The following UQCC1 variants were observed in gnomAD, a reference collection of about 807,000 sequenced individuals.
The protein encoded by UQCC1 is bFGF-repressed Zic-binding protein.
In UQCC1, 38 loss-of-function variants were observed where a neutral mutation model predicts 48.0. That is an observed-to-expected ratio of 0.79 (90% CI 0.61 to 1.04). The LOEUF is 1.04. UQCC1 is among the 50% of genes least tolerant of loss of function. UQCC1 has a pLI of 0.00. For synonymous variants in UQCC1, 111 were observed against 129.2 expected, an observed-to-expected ratio of 0.86 and a Z score of 0.95; for missense variants, 368 against 381.8, an observed-to-expected ratio of 0.96 and a Z score of 0.30.
chr20:35,404,035 A>C (rs935772292), intron 1 of UQCC1, among the ~76,000 whole-genome samples: 1 of 152,002 alleles, frequency 6.6e-6, no homozygotes, highest in African/African-American at 2.4e-5. Flanking sequence ...CAGGAGATCG[A>C]GACCATCCTG....
chr20:35,374,704 TA>T (rs897887730), intron 4 of UQCC1, among the ~76,000 whole-genome samples: 14 of 152,328 alleles, frequency 9.2e-5, no homozygotes, highest in African/African-American at 3.4e-4. Flanking sequence ...ATCTATTCTA[TA>T]AATCTCGGGG....
chr20:35,374,338 A>T (rs1465381804), intron 4 of UQCC1, 82 bp from the exon 5 acceptor site: 2 of 1,046,322 alleles, frequency 1.9e-6, no homozygotes, highest in African/African-American at 1.6e-5. Context: ...ACAAAATCTT[A>T]TATTTCTTCA....
At chr20:35,333,178 G>A (rs1262766193) in intron 7 of UQCC1, among the ~76,000 whole-genome samples, 3 of 151,940 alleles carry the variant, frequency 2.0e-5, no homozygotes, top group Non-Finnish European at 2.9e-5. Context: ...TTACTATGGC[G>A]GCCACAGCCA....
intron 7 of UQCC1, among the ~76,000 whole-genome samples, chr20:35,337,454 T>C (rs1263451242): frequency 6.6e-6 from 1 of 152,162 alleles, no homozygotes; most frequent in African/African-American, 2.4e-5. Flanking sequence ...CCCAAAGTGC[T>C]AGGATTACAG....
chr20:35,367,961 TCA>T (rs1450438932), intron 5 of UQCC1, among the ~76,000 whole-genome samples: 2 of 152,088 alleles, frequency 1.3e-5, no homozygotes, highest in African/African-American at 4.8e-5. Flanking sequence ...CTCTCAATTC[TCA>T]CTCAGCTAAG....
In UQCC1 at chr20:35,411,869, T is replaced by C. The variant is rs1266913312; in HGVS notation, c.24+71A>G. On this transcript the variant is annotated intron_variant, in intron 1 of 9. Coordinates refer to ENST00000374385, the MANE Select transcript of UQCC1 (RefSeq NM_018244.5). ...CCCTCCTGCGATTCCTTCCAATTCCTCCCGCCCTGCCTTGTCGAACTCCAA... is the reference window on the plus strand; with the variant it reads ...CCCTCCTGCGATTCCTTCCAATTCCCCCCGCCCTGCCTTGTCGAACTCCAA... The C allele has an allele frequency of 2.5e-6, 4 of 1,602,694 alleles. No homozygotes were observed. In the East Asian group the frequency reaches 8.9e-5, roughly 36 times the overall value.
intron 4 of UQCC1, 70 bp downstream of exon 4, chr20:35,381,848 T>C (rs2061873267): frequency 1.1e-6 from 1 of 936,296 alleles, no homozygotes; most frequent in Admixed American, 2.3e-5. Flanking sequence ...GCAGAAGCTT[T>C]AAAAAATCTA....
At chr20:35,349,400 G>A (rs146952378) in intron 6 of UQCC1, among the ~76,000 whole-genome samples, 223 of 152,258 alleles carry the variant, frequency 1.5e-3, no homozygotes, top group African/African-American at 5.1e-3. Flanking sequence ...TGTGTGAAAA[G>A]ACTTATAGGC....
At chr20:35,408,748 A>C (rs2062290539) in intron 1 of UQCC1, among the ~76,000 whole-genome samples, 1 of 151,882 alleles carries the variant, frequency 6.6e-6, no homozygotes. Flanking sequence ...CCAGCTACTC[A>C]GGAGGCTGAA....
Position 35,394,102 on chromosome 20 carries a change from C to G in UQCC1, c.119G>C (p.Arg40Pro). 1 of 1,613,176 alleles carries G rather than the reference C, an allele frequency of 6.2e-7. No homozygotes were observed. Among genetic ancestry groups the G allele is most frequent in the East Asian group, 2.2e-5 (1 of 44,884 alleles). Residue 40 changes from arginine to proline, a missense_variant, in exon 2 of 10, where the codon CGC becomes CCC. Arg to Pro is a moderately radical substitution (Grantham distance 103). Transcript: ENST00000374385. Reference protein sequence around the residue: ...TQGQGDRALSRTSQWPQMSQS... With the variant: ...TQGQGDRALSPTSQWPQMSQS... The stretch of plus-strand genomic sequence containing the variant: ...AACAACAAATCTTACCTGGGAAGTG[C>G]GAGACAGAGCCCTGTCCCCCTGTCC...
intron 7 of UQCC1, among the ~76,000 whole-genome samples, chr20:35,343,929 C>T (rs1271070059): frequency 6.6e-6 from 1 of 152,184 alleles, no homozygotes; most frequent in Non-Finnish European, 1.5e-5. Flanking sequence ...CTAAAACACT[C>T]CCTTATGGGG....
At chr20:35,397,518 A>C in intron 1 of UQCC1, among the ~76,000 whole-genome samples, 1 of 151,632 alleles carries the variant, frequency 6.6e-6, no homozygotes, top group East Asian at 1.9e-4. Context: ...TGTCTCAAAA[A>C]AAAAAAAAAA....
chr20:35,357,824 G>A (rs948895142), intron 6 of UQCC1, among the ~76,000 whole-genome samples: 2 of 152,112 alleles, frequency 1.3e-5, no homozygotes, highest in Middle Eastern at 3.4e-3. Context: ...TAACAATAAC[G>A]TTGAGTCATT....
chr20:35,402,612 C>A (rs201254571), intron 1 of UQCC1, among the ~76,000 whole-genome samples: 92 of 106,092 alleles, frequency 8.7e-4, no homozygotes, highest in African/African-American at 3.0e-3. Flanking sequence ...AACAAACAAA[C>A]AAAATATATA....
At chr20:35,406,100 A>G (rs2146546404) in intron 1 of UQCC1, among the ~76,000 whole-genome samples, 1 of 152,294 alleles carries the variant, frequency 6.6e-6, no homozygotes, top group East Asian at 1.9e-4. Context: ...AAGAAAAAAA[A>G]GAACAAATTT....
chr20:35,410,704 C>A (rs1440656344), intron 1 of UQCC1, among the ~76,000 whole-genome samples: 8 of 2,706 alleles, frequency 3.0e-3, no homozygotes, highest in East Asian at 0.018. Flanking sequence ...GACTCTGCCT[C>A]AAAAAAAAAA....
chr20:35,396,300 T>C (rs1380937655), intron 1 of UQCC1, among the ~76,000 whole-genome samples: 1 of 147,564 alleles, frequency 6.8e-6, no homozygotes, highest in African/African-American at 2.5e-5. Context: ...TTTTTTTTTT[T>C]TTTTTTTAAG....
intron 8 of UQCC1, among the ~76,000 whole-genome samples, chr20:35,307,649 A>C (rs188567835): frequency 6.6e-6 from 1 of 152,194 alleles, no homozygotes; most frequent in Non-Finnish European, 1.5e-5. Flanking sequence ...TGGAGTTAGA[A>C]GGGAGATCAA....
chr20:35,319,224 T>C (rs927379750), intron 7 of UQCC1, among the ~76,000 whole-genome samples: 1 of 152,134 alleles, frequency 6.6e-6, no homozygotes, highest in Admixed American at 6.6e-5. Flanking sequence ...AATCAGAGGG[T>C]TAAATGATGA....
Sources: allele counts gnomAD v4.1 joint callset (sites outside exome capture counted in the v4.1 genomes callset), GRCh38; gene constraint gnomAD v4.1.1; transcripts MANE v1.5; gene names NCBI Gene and HGNC (gene_info 2026-07-23, HGNC 2026-07-21).